HMGB1: variants seen among roughly 807,000 people sequenced by gnomAD.
HMGB1 encodes high mobility group protein B1.
For missense variants in HMGB1, 79 were observed against 253.5 expected, an observed-to-expected ratio of 0.31 and a Z score of 4.67; for synonymous variants, 81 against 84.0, an observed-to-expected ratio of 0.96 and a Z score of 0.19.
At chr13:30,549,959 C>A (rs1296220332) in intron 1 of HMGB1, among the ~76,000 whole-genome samples, 1 of 152,082 alleles carries the variant, frequency 6.6e-6, no homozygotes, top group Non-Finnish European at 1.5e-5. Context: ...CCAAGTAATC[C>A]GCCTGCCTCA....
At chr13:30,616,663 A>T (rs374440920) in intron 1 of HMGB1, 9 of 152,344 alleles carry the variant, frequency 5.9e-5, no homozygotes, top group African/African-American at 2.2e-4. Flanking sequence ...AAAGGTAAAC[A>T]AACTAACCAG....
At chr13:30,531,258 G>A (rs1444353050) in intron 1 of HMGB1, among the ~76,000 whole-genome samples, 1 of 152,142 alleles carries the variant, frequency 6.6e-6, no homozygotes, top group African/African-American at 2.4e-5. Context: ...TAAAATGAAT[G>A]ATGGCATCCC....
At chr13:30,603,931 A>C (rs1950428347) in intron 1 of HMGB1, among the ~76,000 whole-genome samples, 1 of 152,180 alleles carries the variant, frequency 6.6e-6, no homozygotes, top group Admixed American at 6.5e-5. Flanking sequence ...ATGGATCCAC[A>C]GTTGGTTGAA....
At chr13:30,547,134 C>A (rs1192526322) in intron 1 of HMGB1, among the ~76,000 whole-genome samples, 1 of 152,248 alleles carries the variant, frequency 6.6e-6, no homozygotes, top group Non-Finnish European at 1.5e-5. Context: ...AAGTGTTCTG[C>A]TGCTTAGCTT....
chr13:30,485,813 T>C (rs545451421), intron 1 of HMGB1, among the ~76,000 whole-genome samples: 1 of 152,352 alleles, frequency 6.6e-6, no homozygotes, highest in South Asian at 2.1e-4. Context: ...TTAAATACTC[T>C]TTGCTGTTCA....
At chr13:30,563,566 T>C (rs1196791972) in intron 1 of HMGB1, among the ~76,000 whole-genome samples, 57 of 152,182 alleles carry the variant, frequency 3.7e-4, no homozygotes, top group East Asian at 1.9e-4. Context: ...GCTGTGACTG[T>C]GCCACTGCAC....
At chr13:30,571,850 C>T (rs889697629) in intron 1 of HMGB1, among the ~76,000 whole-genome samples, 9 of 151,940 alleles carry the variant, frequency 5.9e-5, no homozygotes, top group Non-Finnish European at 4.4e-5. Context: ...ATAATATTTA[C>T]GTTCCTACAC....
intron 1 of HMGB1, among the ~76,000 whole-genome samples, chr13:30,549,148 A>G (rs944145166): frequency 2.6e-5 from 4 of 151,980 alleles, no homozygotes; most frequent in African/African-American, 9.7e-5. Context: ...AATAAGAAAA[A>G]TAGCTGGTCA....
chr13:30,477,848 T>C (rs922799836), intron 1 of HMGB1, among the ~76,000 whole-genome samples: 15 of 152,132 alleles, frequency 9.9e-5, no homozygotes, highest in African/African-American at 3.4e-4. Flanking sequence ...ACCAGGCCTC[T>C]TTGTTTAAAA....
chr13:30,615,441 T>C (rs1950551623), intron 1 of HMGB1, among the ~76,000 whole-genome samples: 1 of 152,208 alleles, frequency 6.6e-6, no homozygotes, highest in South Asian at 2.1e-4. Flanking sequence ...CAGCACCCCA[T>C]AATCAAACAT....
chr13:30,492,624 T>C (rs994094081), intron 1 of HMGB1, among the ~76,000 whole-genome samples: 5 of 152,098 alleles, frequency 3.3e-5, no homozygotes, highest in African/African-American at 1.2e-4. Flanking sequence ...ATACCAAGTA[T>C]TGGTGAAGAT....
intron 1 of HMGB1, among the ~76,000 whole-genome samples, chr13:30,549,770 G>A (rs912465154): frequency 4.6e-5 from 7 of 151,076 alleles, no homozygotes; most frequent in African/African-American, 1.7e-4. Context: ...AGGCTGGAAT[G>A]CAGTGGCATG....
At chr13:30,481,944 C>T (rs1018460541) in intron 1 of HMGB1, among the ~76,000 whole-genome samples, 1 of 152,188 alleles carries the variant, frequency 6.6e-6, no homozygotes, top group Non-Finnish European at 1.5e-5. Context: ...ATTCTCCTGC[C>T]TCAGCCTCCT....
At position 30,458,230 on chromosome 13, in the gene HMGB1, T is replaced by C. The variant is rs563500985; in HGVS notation, c.*3127A>G. The C allele has an allele frequency of 1.3e-5, 2 of 152,200 alleles. No individual in the cohort carries two copies. Among genetic ancestry groups the C allele is most frequent in the East Asian group, 3.9e-4 (2 of 5,184 alleles). 9.4% of individuals were successfully genotyped at this position (152,200 alleles called of 1,614,324 possible). ...TCAAGGACCTTTTTAGGAGGCGTAT[T>C]GTACCAAGCAGACCTAAATGTGAAC... On this transcript the variant is annotated 3_prime_UTR_variant, in exon 5 of 5. Transcript: ENST00000341423.
intron 1 of HMGB1, among the ~76,000 whole-genome samples, chr13:30,569,224 G>C (rs1043739552): frequency 4.1e-4 from 63 of 152,158 alleles, no homozygotes; most frequent in African/African-American, 1.4e-3. Context: ...CTGTAGTTCT[G>C]CATTAAGCAA....
At chr13:30,542,527 T>C in intron 1 of HMGB1, 1 of 156,200 alleles carries the variant, frequency 6.4e-6, no homozygotes, top group Non-Finnish European at 1.4e-5. Flanking sequence ...GCTAGGCACC[T>C]GCTTCTCTTC....
At chr13:30,498,619 A>C (rs1887664286) in intron 1 of HMGB1, among the ~76,000 whole-genome samples, 1 of 139,616 alleles carries the variant, frequency 7.2e-6, no homozygotes, top group Non-Finnish European at 1.5e-5. Context: ...AGGCAAAGGA[A>C]TCAGCAAATT....
At position 30,459,304 on chromosome 13, in the gene HMGB1, T is replaced by C. The variant is rs1187374744; in HGVS notation, c.*2053A>G. The C allele has an allele frequency of 6.6e-6, 1 of 152,174 alleles. No individual in the cohort carries two copies. The highest frequency in any genetic ancestry group is 1.5e-5 in the Non-Finnish European group (1 of 68,018). 9.4% of individuals were successfully genotyped at this position (152,174 alleles called of 1,614,324 possible). On this transcript the variant is annotated 3_prime_UTR_variant, in exon 5 of 5. Coordinates refer to ENST00000341423, the MANE Select transcript of HMGB1 (RefSeq NM_002128.7). The stretch of plus-strand genomic sequence containing the variant: ...GGGTTTTGTCCATTTTCTTAAGATC[T>C]GTGGTCAAGAATAAACCCTAAAAAA...
chr13:30,564,021 C>T (rs943951987), intron 1 of HMGB1, among the ~76,000 whole-genome samples: 22 of 152,048 alleles, frequency 1.4e-4, no homozygotes, highest in Admixed American at 1.4e-3. Flanking sequence ...GGCATGGTGG[C>T]CAAAACATTT....
Sources: gnomAD v4.1 joint callset for allele counts (sites outside exome capture counted in the v4.1 genomes callset) on GRCh38, gnomAD v4.1.1 for gene constraint, MANE v1.5 for transcripts, NCBI Gene and HGNC (gene_info 2026-07-23, HGNC 2026-07-21) for gene names.